The following SPIDR variants were observed in gnomAD, a reference collection of about 807,000 sequenced individuals.
SPIDR encodes the protein scaffold protein involved in DNA repair, also known as DNA repair-scaffolding protein.
Under a neutral mutation model 104.6 loss-of-function variants are expected in SPIDR, and 93 were observed. That is an observed-to-expected ratio of 0.89 (90% CI 0.75 to 1.06). SPIDR has a LOEUF of 1.06. SPIDR is among the 50% of genes least tolerant of loss of function. The probability of loss-of-function intolerance (pLI) is 0.00; values close to 1 mark genes in which losing one functional copy is unlikely to be tolerated. For synonymous variants in SPIDR, 431 were observed against 416.9 expected (o/e 1.03, Z -0.41); for missense variants, 1,154 against 1,111.2 (o/e 1.04, Z -0.55).
intron 7 of SPIDR, among the ~76,000 whole-genome samples, chr8:47,414,744 G>A (rs369844827): frequency 1.3e-5 from 2 of 152,048 alleles, no homozygotes; most frequent in Non-Finnish European, 2.9e-5. Context: ...CCTTTGGGTC[G>A]TTTCCATATT....
intron 8 of SPIDR, among the ~76,000 whole-genome samples, chr8:47,479,110 C>T (rs1436856966): frequency 6.6e-6 from 1 of 151,834 alleles, no homozygotes; most frequent in Non-Finnish European, 1.5e-5. Flanking sequence ...CCTGTAATTC[C>T]AACACTGAGA....
At chr8:47,325,753 CTTCTGGGCATGGGTGCCTGATG>C (rs1184187574) in intron 5 of SPIDR, among the ~76,000 whole-genome samples, 2 of 152,106 alleles carry the variant, frequency 1.3e-5, no homozygotes, top group African/African-American at 4.8e-5. Flanking sequence ...GTGGAGGACT[CTTCTGGGCATGGGTGCCTGATG>C]TCCTGAGGTG....
chr8:47,359,385 C>T (rs2055268584), intron 5 of SPIDR, among the ~76,000 whole-genome samples: 1 of 152,016 alleles, frequency 6.6e-6, no homozygotes, highest in South Asian at 2.1e-4. Flanking sequence ...GTCAAGGGCC[C>T]TGTTTGTTTA....
intron 7 of SPIDR, among the ~76,000 whole-genome samples, chr8:47,436,651 A>G (rs1308473488): frequency 6.6e-6 from 1 of 152,212 alleles, no homozygotes; most frequent in Non-Finnish European, 1.5e-5. Context: ...CCTTGAGCCC[A>G]GGTTATCGAG....
Position 47,565,971 on chromosome 8 carries a change from CATATAT to C in SPIDR, c.1098-29823_1098-29818del, listed in dbSNP as rs1170408396. 2.2e-3 allele frequency among the ~76,000 whole-genome samples: 92 copies of C among 41,456 alleles called. 4 individuals are homozygous for C. Among genetic ancestry groups the C allele is most frequent in the Non-Finnish European group, 2.6e-3 (54 of 20,952 alleles). The allele number at this position is 41,456 out of a possible 152,430, so 27.2% of individuals were successfully genotyped here. On this transcript the variant is annotated intron_variant, in intron 8 of 19. Coordinates refer to ENST00000297423, the MANE Select transcript of SPIDR (RefSeq NM_001080394.4). ...TGGATAAGAATGTGATATTTATACT[CATATAT>C]ATATATATATATATATTTTTTTTTT...
chr8:47,279,576 C>T (rs1007288016), intron 1 of SPIDR: 5 of 268,466 alleles, frequency 1.9e-5, no homozygotes, highest in Admixed American at 1.4e-4. Flanking sequence ...CTCTTACTTT[C>T]CTTGGCTTCT....
intron 17 of SPIDR, among the ~76,000 whole-genome samples, chr8:47,728,391 C>T (rs1256324271): frequency 1.3e-5 from 2 of 151,918 alleles, no homozygotes; most frequent in African/African-American, 2.4e-5. Context: ...GAGCCGAAAT[C>T]GCACCACTGC....
intron 8 of SPIDR, chr8:47,527,846 G>A (rs564116776): frequency 1.3e-5 from 2 of 152,218 alleles, no homozygotes; most frequent in Non-Finnish European, 2.9e-5. Flanking sequence ...AGGCACACAA[G>A]CATATTGCTG....
intron 10 of SPIDR, chr8:47,654,047 G>T (rs2072209568): frequency 7.8e-7 from 1 of 1,289,386 alleles, no homozygotes; most frequent in Admixed American, 2.3e-5. Flanking sequence ...AGCCAAGACA[G>T]ATAGGGGCGT....
At chr8:47,334,977 A>G (rs1297421758) in intron 5 of SPIDR, among the ~76,000 whole-genome samples, 3 of 152,174 alleles carry the variant, frequency 2.0e-5, no homozygotes, top group Non-Finnish European at 2.9e-5. Flanking sequence ...CAACTTTCCA[A>G]TAACACTGTT....
At chr8:47,630,630 G>C (rs1020789296) in intron 10 of SPIDR, among the ~76,000 whole-genome samples, 1 of 152,174 alleles carries the variant, frequency 6.6e-6, no homozygotes, top group African/African-American at 2.4e-5. Context: ...TCTGAGAAGC[G>C]TAGTTGGCCT....
Position 47,298,682 on chromosome 8 carries a change from T to A in SPIDR, c.525+4652T>A, listed in dbSNP as rs1165872231. Among the ~76,000 whole-genome samples the A allele has an allele frequency of 2.6e-5, 4 of 152,200 alleles. No homozygotes were observed. In the South Asian group the frequency reaches 6.2e-4, roughly 24 times the overall value. ...CAGCTTTCTACATATGGCTAGCCAG[T>A]TTTCCCAGCACCATTTGTAAAATAG... On this transcript the variant is annotated intron_variant, in intron 5 of 19. Transcript: ENST00000297423.
chr8:47,433,504 T>C (rs1212242109), intron 7 of SPIDR, among the ~76,000 whole-genome samples: 1 of 152,118 alleles, frequency 6.6e-6, no homozygotes, highest in East Asian at 1.9e-4. Flanking sequence ...AGGCAGAACA[T>C]GAATGGGCTG....
chr8:47,453,500 T>C (rs1187705094), intron 8 of SPIDR, among the ~76,000 whole-genome samples: 2 of 152,116 alleles, frequency 1.3e-5, no homozygotes, highest in African/African-American at 4.8e-5. Flanking sequence ...AACACCATGG[T>C]ACTGGTACCA....
At chr8:47,611,037 A>G (rs1055695640) in intron 10 of SPIDR, among the ~76,000 whole-genome samples, 1 of 152,238 alleles carries the variant, frequency 6.6e-6, no homozygotes, top group Non-Finnish European at 1.5e-5. Context: ...TGAATGCAGT[A>G]GACACCCAGC....
intron 5 of SPIDR, among the ~76,000 whole-genome samples, chr8:47,307,532 C>CA (rs1586700776): frequency 8.2e-6 from 1 of 121,576 alleles, no homozygotes; most frequent in Admixed American, 8.4e-5. Flanking sequence ...TTTCTCATTT[C>CA]GTTTTTTTTT....
At chr8:47,285,907 G>A (rs923203583) in intron 3 of SPIDR, among the ~76,000 whole-genome samples, 1 of 152,182 alleles carries the variant, frequency 6.6e-6, no homozygotes, top group African/African-American at 2.4e-5. Flanking sequence ...GAAATGTTCA[G>A]TGTGGCTAAT....
At chr8:47,517,400 C>CT (rs1169596922) in intron 8 of SPIDR, among the ~76,000 whole-genome samples, 3 of 152,286 alleles carry the variant, frequency 2.0e-5, no homozygotes, top group African/African-American at 7.2e-5. Flanking sequence ...CCTTTATACT[C>CT]TAATACCAAC....
chr8:47,411,064 G>C (rs1438306483), intron 7 of SPIDR, among the ~76,000 whole-genome samples: 1 of 152,030 alleles, frequency 6.6e-6, no homozygotes, highest in African/African-American at 2.4e-5. Context: ...TATCATTATT[G>C]GACATTTGGG....
Sources: allele counts gnomAD v4.1 joint callset (sites outside exome capture counted in the v4.1 genomes callset), GRCh38; gene constraint gnomAD v4.1.1; transcripts MANE v1.5; gene names NCBI Gene and HGNC (gene_info 2026-07-23, HGNC 2026-07-21).